The following COL4A5 variants were observed in gnomAD, a reference collection of about 807,000 sequenced individuals.
COL4A5 encodes the protein collagen type IV alpha 5 chain.
COL4A5 carries 26 observed loss-of-function variants against 130.2 expected under a neutral mutation model. The observed-to-expected ratio is 0.20, with a 90% CI of 0.15 to 0.28. COL4A5 has a LOEUF of 0.28. Among genes scored for constraint, COL4A5 ranks in the 10% least tolerant of loss-of-function variants. The probability of loss-of-function intolerance (pLI) is 1.00; values close to 1 mark genes in which losing one functional copy is unlikely to be tolerated. For synonymous variants in COL4A5, 496 were observed against 439.6 expected (o/e 1.13, Z -1.60); for missense variants, 1,131 against 1,344.3 (o/e 0.84, Z 2.48).
At position 108,667,914 on chromosome X, in the gene COL4A5, C is replaced by A. The variant is rs181939685; in HGVS notation, c.3605-405C>A. ...ATGGTCTTCGGGGACACATGACAAC[C>A]ATTGAAGAGCCATATCTTTCATTAG... is the stretch of plus-strand genomic sequence containing the variant. On this transcript the variant is annotated intron_variant, in intron 40 of 52. Coordinates refer to ENST00000328300, the MANE Select transcript of COL4A5 (RefSeq NM_033380.3). Among the ~76,000 whole-genome samples the A allele has an allele frequency of 3.6e-5, 4 of 110,990 alleles. No individual in the cohort carries two copies. In the East Asian group the frequency reaches 8.6e-4, roughly 24 times the overall value.
At chrX:108,664,641 A>G (rs2068037477) in intron 37 of COL4A5, among the ~76,000 whole-genome samples, 1 of 112,411 alleles carries the variant, frequency 8.9e-6, no homozygotes, top group African/African-American at 3.2e-5. Context: ...GACAAGGAGA[A>G]AATATTTGCA....
At chrX:108,577,543 A>G (rs2066174591) in intron 10 of COL4A5, among the ~76,000 whole-genome samples, 1 of 111,461 alleles carries the variant, frequency 9.0e-6, no homozygotes, top group Non-Finnish European at 1.9e-5. Context: ...ATATTGTATA[A>G]AAATCAAACT....
rs185205575 is a variant in COL4A5 at position 108,521,791 on chromosome X, C to T, written c.82-17955C>T. On this transcript the variant is annotated intron_variant, in intron 1 of 52. Transcript: ENST00000328300. ...TCTTCCCACTTTTTACTTCATTGCACTGATTTTTTTTAACAGCTTCATTGA... is the reference window on the plus strand; with the variant it reads ...TCTTCCCACTTTTTACTTCATTGCATTGATTTTTTTTAACAGCTTCATTGA... Among the ~76,000 whole-genome samples the T allele has an allele frequency of 9.8e-5, 11 of 111,676 alleles. No homozygotes were observed. The East Asian group carries it at 2.2e-3, about 23-fold the overall frequency.
intron 1 of COL4A5, among the ~76,000 whole-genome samples, chrX:108,447,896 G>T (rs2064470999): frequency 9.0e-6 from 1 of 111,543 alleles, no homozygotes; most frequent in African/African-American, 3.3e-5. Flanking sequence ...TTATTATAAA[G>T]ATTTGTTTTT....
At chrX:108,694,166 T>TA (rs1383283277) in intron 50 of COL4A5, 7 of 111,761 alleles carry the variant, frequency 6.3e-5, no homozygotes, top group Non-Finnish European at 1.1e-4. Flanking sequence ...GCCTCAGTAA[T>TA]ATGTCAAGAG....
At position 108,689,331 on chromosome X, in the gene COL4A5, C is replaced by G. The variant is rs1196252628; in HGVS notation, c.4528+1637C>G. 3 of 747,755 alleles carry G rather than the reference C, an allele frequency of 4.0e-6. No individual in the cohort carries two copies. The African/African-American group carries it at 7.0e-5, about 17-fold the overall frequency. 61.6% of individuals were successfully genotyped at this position (747,755 alleles called of 1,213,427 possible). On this transcript the variant is annotated intron_variant, in intron 49 of 52. Transcript: ENST00000328300. ...CTACACTGTCAGACTTATAATCAAACTTTAAACTTCAAATCCCTAACCTAC... is the reference window on the plus strand; with the variant it reads ...CTACACTGTCAGACTTATAATCAAAGTTTAAACTTCAAATCCCTAACCTAC...
chrX:108,556,757 A>G (rs1194470883), intron 2 of COL4A5, among the ~76,000 whole-genome samples: 2 of 111,073 alleles, frequency 1.8e-5, no homozygotes, highest in Non-Finnish European at 3.8e-5. Context: ...GGAGGATCCC[A>G]TCCCCACCAC....
chrX:108,450,756 T>G (rs1182336348), intron 1 of COL4A5, among the ~76,000 whole-genome samples: 1 of 111,814 alleles, frequency 8.9e-6, no homozygotes, highest in East Asian at 2.8e-4. Flanking sequence ...TACAAAATCA[T>G]GCATAGGGAA....
Position 108,580,738 on chromosome X carries a change from A to T in COL4A5, c.891A>T (p.Arg297Ser), listed in dbSNP as rs2066231739. The T allele has an allele frequency of 1.7e-6, 2 of 1,207,864 alleles. No individual in the cohort carries two copies. The highest frequency in any genetic ancestry group is 5.9e-5 in the East Asian group (2 of 33,821). The change falls in exon 15 of 53, where the codon AGA becomes AGT. Residue 297 changes from arginine (R) to serine (S), a missense_variant and splice_region_variant. Coordinates refer to ENST00000328300, the MANE Select transcript of COL4A5 (RefSeq NM_033380.3). ...GTGAGCAAGGAGAGCCAGGCAAAAG[A>T]GTAAGTGATGTAACTGCTAATATTC... ...EKGEQGEPGK[R>S]GKPGKDGENG...
chrX:108,634,431 T>C (rs1193174057), intron 36 of COL4A5, among the ~76,000 whole-genome samples: 2 of 111,162 alleles, frequency 1.8e-5, no homozygotes, highest in Admixed American at 1.9e-4. Flanking sequence ...AGAGGAAGTG[T>C]TGCCATCACA....
At chrX:108,465,524 G>A (rs1349546992) in intron 1 of COL4A5, among the ~76,000 whole-genome samples, 1 of 111,641 alleles carries the variant, frequency 9.0e-6, no homozygotes, top group Admixed American at 9.5e-5. Flanking sequence ...CACACACCTA[G>A]TATTTTTCCC....
rs772703708 is a variant in COL4A5 at position 108,563,939 on chromosome X, T to G, written c.276+13T>G. Reference sequence around the variant, plus strand: ...AAAAGGAATCAGAGTAAGTAGTATTTTCTCTATATCAAATACTTTGTTGGT... The same window carrying G: ...AAAAGGAATCAGAGTAAGTAGTATTGTCTCTATATCAAATACTTTGTTGGT... On this transcript the variant is annotated intron_variant, in intron 4 of 52. Coordinates refer to ENST00000328300, the MANE Select transcript of COL4A5 (RefSeq NM_033380.3). 1 of 1,175,751 alleles carries G rather than the reference T, an allele frequency of 8.5e-7. No homozygotes were observed. The highest frequency in any genetic ancestry group is 1.2e-6 in the Non-Finnish European group (1 of 864,027).
At chrX:108,514,513 G>C (rs187505992) in intron 1 of COL4A5, among the ~76,000 whole-genome samples, 5 of 111,785 alleles carry the variant, frequency 4.5e-5, no homozygotes, top group African/African-American at 1.6e-4. Context: ...TGGCATAGTT[G>C]CTAGAAAGGT....
chrX:108,441,112 C>T (rs934498822), intron 1 of COL4A5, among the ~76,000 whole-genome samples: 3 of 109,796 alleles, frequency 2.7e-5, no homozygotes, highest in Non-Finnish European at 5.6e-5. Context: ...TGGGTAGTCC[C>T]ACCCACTGTC....
chrX:108,496,596 A>G (rs1475091642), intron 1 of COL4A5, among the ~76,000 whole-genome samples: 1 of 111,588 alleles, frequency 9.0e-6, no homozygotes, highest in African/African-American at 3.3e-5. Flanking sequence ...TGATTTCTTC[A>G]TATTTTTTCT....
Position 108,655,205 on chromosome X carries a change from G to A in COL4A5, c.3247-126G>A, listed in dbSNP as rs887823999. ...AGAACTGTTGTGATGATTAAATGAA[G>A]CAATTTACATCAAGTACTTACTGGA... On this transcript the variant is annotated intron_variant, in intron 36 of 52. Transcript: ENST00000328300. The A allele has an allele frequency of 1.8e-5, 13 of 726,670 alleles. No homozygotes were observed. In the Admixed American group the frequency reaches 2.4e-4, roughly 13 times the overall value. The allele number at this position is 726,670 out of a possible 1,213,427, so 59.9% of individuals were successfully genotyped here. A position where few individuals can be genotyped will look rare whatever the true frequency, so the allele number is the denominator to read the frequency against.
At chrX:108,456,868 C>A (rs1333727527) in intron 1 of COL4A5, among the ~76,000 whole-genome samples, 1 of 111,860 alleles carries the variant, frequency 8.9e-6, no homozygotes, top group South Asian at 3.7e-4. Flanking sequence ...AATAGTCAAG[C>A]CTTTAATCAC....
intron 6 of COL4A5, among the ~76,000 whole-genome samples, chrX:108,569,954 A>G (rs1227041496): frequency 1.8e-5 from 2 of 111,700 alleles, no homozygotes; most frequent in East Asian, 5.6e-4. Context: ...TGCTGGGATT[A>G]CAGGTGCGAG....
chrX:108,544,967 A>T (rs192333704), intron 2 of COL4A5, among the ~76,000 whole-genome samples: 2,135 of 111,380 alleles, frequency 0.019, 36 homozygotes, highest in East Asian at 0.076. Context: ...CTCCTTTATC[A>T]TTTTTTATTG....
Sources: gnomAD v4.1 joint callset for allele counts (sites outside exome capture counted in the v4.1 genomes callset) on GRCh38, gnomAD v4.1.1 for gene constraint, MANE v1.5 for transcripts, NCBI Gene and HGNC (gene_info 2026-07-23, HGNC 2026-07-21) for gene names.